Variants in PPP1R12B observed in about 807,000 individuals in gnomAD.
PPP1R12B encodes protein phosphatase 1 regulatory subunit 12B.
Under a neutral mutation model 126.1 loss-of-function variants are expected in PPP1R12B, and 76 were observed. The observed-to-expected ratio is 0.60, with a 90% CI of 0.50 to 0.73. The LOEUF is 0.73. Ranked by LOEUF, PPP1R12B falls within the 30% of genes least tolerant of loss-of-function variation. The pLI is 0.00. For missense variants in PPP1R12B, 1,052 were observed against 1,205.1 expected, an observed-to-expected ratio of 0.87 and a Z score of 1.88; for synonymous variants, 356 against 434.7, an observed-to-expected ratio of 0.82 and a Z score of 2.25.
intron 1 of PPP1R12B, among the ~76,000 whole-genome samples, chr1:202,353,513 G>T (rs554820373): frequency 8.9e-5 from 12 of 134,254 alleles, no homozygotes; most frequent in African/African-American, 2.5e-4. Context: ...TGTCTGTGTG[G>T]TTTTTTTTTT....
At chr1:202,470,552 T>C (rs1227563887) in intron 13 of PPP1R12B, among the ~76,000 whole-genome samples, 1 of 152,192 alleles carries the variant, frequency 6.6e-6, no homozygotes, top group Non-Finnish European at 1.5e-5. Context: ...CTAACATCTT[T>C]ATATATTTTA....
At chr1:202,559,508 G>T (rs543141800) in intron 19 of PPP1R12B, among the ~76,000 whole-genome samples, 1 of 152,154 alleles carries the variant, frequency 6.6e-6, no homozygotes, top group Non-Finnish European at 1.5e-5. Context: ...ACCCTCTGCA[G>T]TTTTTCACCT....
At chr1:202,378,657 T>G (rs1388974616) in intron 1 of PPP1R12B, among the ~76,000 whole-genome samples, 3 of 152,048 alleles carry the variant, frequency 2.0e-5, no homozygotes, top group Non-Finnish European at 4.4e-5. Flanking sequence ...TTTTTGTATT[T>G]TTAGTAGAGA....
chr1:202,511,184 C>G (rs1459638863), intron 18 of PPP1R12B, among the ~76,000 whole-genome samples: 2 of 149,852 alleles, frequency 1.3e-5, no homozygotes, highest in East Asian at 3.9e-4. Context: ...TTTTGGTGCA[C>G]TCATCATGCA....
chr1:202,415,089 T>C (rs1351726919), intron 1 of PPP1R12B, among the ~76,000 whole-genome samples: 1 of 152,160 alleles, frequency 6.6e-6, no homozygotes, highest in African/African-American at 2.4e-5. Flanking sequence ...CGAGGTGCTT[T>C]TTCCTAGAAT....
intron 6 of PPP1R12B, 65 bp from the exon 7 acceptor site, chr1:202,430,666 A>C: frequency 2.5e-6 from 4 of 1,583,434 alleles, no homozygotes; most frequent in Non-Finnish European, 3.5e-6. Context: ...TTTGGTTCTC[A>C]ATACTGCTGA....
intron 18 of PPP1R12B, among the ~76,000 whole-genome samples, chr1:202,517,949 A>G (rs955090418): frequency 2.0e-5 from 3 of 152,208 alleles, no homozygotes; most frequent in Admixed American, 6.5e-5. Context: ...TTTACCAGTC[A>G]TGATAGGCAA....
chr1:202,564,315 C>T (rs1572523362), intron 20 of PPP1R12B, 128 bp from the exon 21 acceptor site: 2 of 594,406 alleles, frequency 3.4e-6, no homozygotes, highest in East Asian at 6.0e-5. Flanking sequence ...CTGCTCCCTA[C>T]CCTTCCTTCA....
chr1:202,523,827 G>T (rs1683041482), intron 18 of PPP1R12B, among the ~76,000 whole-genome samples: 1 of 152,134 alleles, frequency 6.6e-6, no homozygotes, highest in South Asian at 2.1e-4. Flanking sequence ...CGATTCTCCT[G>T]CCTCAGCCTC....
intron 18 of PPP1R12B, among the ~76,000 whole-genome samples, chr1:202,534,883 A>G (rs1211464365): frequency 2.6e-5 from 4 of 152,246 alleles, no homozygotes; most frequent in African/African-American, 4.8e-5. Flanking sequence ...AAATAAATGC[A>G]TAGAATATAA....
rs1051707430 is a variant in PPP1R12B, at chr1:202,462,963, A to C, written c.1850+13792A>C. The C allele has an allele frequency of 2.2e-5, 22 of 985,276 alleles. No individual in the cohort carries two copies. In the African/African-American group the frequency reaches 3.8e-4, roughly 17 times the overall value. The allele number at this position is 985,276 out of a possible 1,614,324, so 61.0% of individuals were successfully genotyped here. A position where few individuals can be genotyped will look rare whatever the true frequency, so the allele number is the denominator to read the frequency against. ...TTTTATGGAAATCAGAGGCACAGGA[A>C]GTTGATCTGGGTGTTCTGGGGAATT... On this transcript the variant is annotated intron_variant, in intron 13 of 23. Transcript: ENST00000608999.
chr1:202,505,171 T>C (rs1235780321), intron 18 of PPP1R12B, among the ~76,000 whole-genome samples: 3 of 152,082 alleles, frequency 2.0e-5, no homozygotes, highest in Admixed American at 2.0e-4. Flanking sequence ...AAGAAATGAG[T>C]AGAAAGGAAA....
intron 13 of PPP1R12B, among the ~76,000 whole-genome samples, chr1:202,467,350 A>G (rs1416283430): frequency 2.0e-5 from 3 of 151,392 alleles, no homozygotes; most frequent in Non-Finnish European, 4.4e-5. Context: ...CATTAGGTAT[A>G]TCTCCTAATG....
In PPP1R12B at chr1:202,390,517, G is replaced by A. The variant is rs143984641; in HGVS notation, c.292-26270G>A. On this transcript the variant is annotated intron_variant, in intron 1 of 23. Transcript: ENST00000608999. The stretch of plus-strand genomic sequence containing the variant: ...AAAAGCTTTATTTATTTATTTTTAA[G>A]AGGAAGGGTCTCACTCTGTTGCCCA... Among the ~76,000 whole-genome samples the A allele has an allele frequency of 1.4e-3, 208 of 152,254 alleles. 2 individuals carry two copies. The highest frequency in any genetic ancestry group is 4.5e-3 in the African/African-American group (187 of 41,542).
chr1:202,440,672 C>A, intron 10 of PPP1R12B, 34 bp from the exon 11 acceptor site: 1 of 1,514,814 alleles, frequency 6.6e-7, no homozygotes, highest in Non-Finnish European at 9.2e-7. Flanking sequence ...CAGTATTGTA[C>A]CTTTCTTGTG....
intron 1 of PPP1R12B, among the ~76,000 whole-genome samples, chr1:202,373,623 A>G (rs1303127725): frequency 1.3e-5 from 2 of 150,928 alleles, no homozygotes; most frequent in Non-Finnish European, 2.9e-5. Context: ...TAACCAGAAC[A>G]TTTAGAACAC....
chr1:202,439,151 T>C, intron 10 of PPP1R12B: 1 of 1,581,486 alleles, frequency 6.3e-7, no homozygotes, highest in Non-Finnish European at 8.7e-7. Context: ...GAAGGTGAAG[T>C]GTCTGAACAA....
At chr1:202,466,040 A>G (rs1674937754) in intron 13 of PPP1R12B, among the ~76,000 whole-genome samples, 1 of 152,170 alleles carries the variant, frequency 6.6e-6, no homozygotes, top group South Asian at 2.1e-4. Flanking sequence ...CACCTGCACA[A>G]TGATTTTATT....
chr1:202,499,275 G>C (rs540922361), intron 18 of PPP1R12B, among the ~76,000 whole-genome samples: 1 of 151,836 alleles, frequency 6.6e-6, no homozygotes, highest in Admixed American at 6.6e-5. Context: ...TTTTTTTTGA[G>C]ACAGGGTCTT....
Sources: allele counts gnomAD v4.1 joint callset (sites outside exome capture counted in the v4.1 genomes callset), GRCh38; gene constraint gnomAD v4.1.1; transcripts MANE v1.5; gene names NCBI Gene and HGNC (gene_info 2026-07-23, HGNC 2026-07-21).